Variants in TAFA5 observed in about 807,000 individuals in gnomAD.
The protein encoded by TAFA5 is chemokine-like protein TAFA-5.
TAFA5 carries 6 observed loss-of-function variants against 15.3 expected under a neutral mutation model. That is an observed-to-expected ratio of 0.39 (90% CI 0.21 to 0.77). The LOEUF is 0.77. Among genes scored for constraint, TAFA5 ranks in the 30% least tolerant of loss-of-function variants. The pLI is 0.41. For missense variants in TAFA5, 161 were observed against 193.1 expected (o/e 0.83, Z 0.98); for synonymous variants, 103 against 80.7 (o/e 1.28, Z -1.48).
chr22:48,520,623 G>T (rs1921570658), intron 1 of TAFA5, among the ~76,000 whole-genome samples: 2 of 152,204 alleles, frequency 1.3e-5, no homozygotes, highest in South Asian at 2.1e-4. Context: ...CTAGACGGAT[G>T]TGAGGGATTT....
intron 3 of TAFA5, among the ~76,000 whole-genome samples, chr22:48,745,755 G>T (rs1930311333): frequency 6.6e-6 from 1 of 152,218 alleles, no homozygotes; most frequent in African/African-American, 2.4e-5. Flanking sequence ...GGCCCGGGAG[G>T]TGTCAGCACC....
intron 1 of TAFA5, among the ~76,000 whole-genome samples, chr22:48,579,313 G>T (rs1157414796): frequency 6.6e-6 from 1 of 152,232 alleles, no homozygotes; most frequent in African/African-American, 2.4e-5. Context: ...CAGGGCCGCA[G>T]CGTGGGGTCC....
At chr22:48,646,965 G>A (rs1053228961) in intron 2 of TAFA5, among the ~76,000 whole-genome samples, 2 of 152,162 alleles carry the variant, frequency 1.3e-5, no homozygotes, top group African/African-American at 4.8e-5. Flanking sequence ...GGGAGTGGTC[G>A]GGGAGATGCC....
chr22:48,524,703 C>T (rs1601847763), intron 1 of TAFA5, among the ~76,000 whole-genome samples: 5 of 152,300 alleles, frequency 3.3e-5, no homozygotes, highest in Admixed American at 3.3e-4. Flanking sequence ...AGTTGCTGCC[C>T]TAGCTTGTGG....
intron 1 of TAFA5, among the ~76,000 whole-genome samples, chr22:48,561,990 C>T (rs926329595): frequency 4.6e-5 from 7 of 152,152 alleles, no homozygotes; most frequent in Non-Finnish European, 7.4e-5. Context: ...CTCTCTGCCT[C>T]AGGGTCCCTT....
chr22:48,633,418 C>T (rs759625412), intron 1 of TAFA5, among the ~76,000 whole-genome samples: 1 of 152,082 alleles, frequency 6.6e-6, no homozygotes, highest in East Asian at 1.9e-4. Context: ...TTATCTTCAG[C>T]GGGGCTCACC....
chr22:48,537,525 G>T (rs1922210871), intron 1 of TAFA5, among the ~76,000 whole-genome samples: 1 of 152,272 alleles, frequency 6.6e-6, no homozygotes, highest in Non-Finnish European at 1.5e-5. Flanking sequence ...GCCCTGGCCA[G>T]CCTGGCCTCT....
At chr22:48,642,570 A>G (rs912650587) in intron 1 of TAFA5, among the ~76,000 whole-genome samples, 1 of 152,004 alleles carries the variant, frequency 6.6e-6, no homozygotes, top group African/African-American at 2.4e-5. Flanking sequence ...CAGCCTGGAG[A>G]CCAGGCCGGC....
At chr22:48,608,090 G>T (rs1433489918) in intron 1 of TAFA5, among the ~76,000 whole-genome samples, 1 of 151,722 alleles carries the variant, frequency 6.6e-6, no homozygotes, top group Non-Finnish European at 1.5e-5. Context: ...CCCTCCCACG[G>T]CCCCAGGCTG....
chr22:48,681,144 C>T (rs130099), intron 2 of TAFA5, among the ~76,000 whole-genome samples: 103,384 of 152,146 alleles, frequency 0.68, 36,218 homozygotes, highest in Non-Finnish European at 0.74. Context: ...GCCTGAGCCA[C>T]GCTTATCCCT....
chr22:48,699,411 A>T (rs189878049), intron 2 of TAFA5, among the ~76,000 whole-genome samples: 1 of 152,000 alleles, frequency 6.6e-6, no homozygotes, highest in East Asian at 1.9e-4. Context: ...AACCAATAAC[A>T]TTTAAAGTTG....
intron 1 of TAFA5, among the ~76,000 whole-genome samples, chr22:48,569,022 G>T (rs1923496426): frequency 6.6e-6 from 1 of 152,240 alleles, no homozygotes; most frequent in African/African-American, 2.4e-5. Context: ...AGCCAGCTCT[G>T]AAGGAGGGGC....
At chr22:48,616,867 G>A (rs576245238) in intron 1 of TAFA5, among the ~76,000 whole-genome samples, 37 of 152,184 alleles carry the variant, frequency 2.4e-4, no homozygotes, top group Non-Finnish European at 4.9e-4. Context: ...TGGTGGGCAC[G>A]GCTGGGGTGG....
At chr22:48,620,307 C>T (rs1013383769) in intron 1 of TAFA5, among the ~76,000 whole-genome samples, 1 of 152,076 alleles carries the variant, frequency 6.6e-6, no homozygotes, top group Non-Finnish European at 1.5e-5. Context: ...TCCTCAGGGC[C>T]CTGCAAACCT....
chr22:48,639,295 C>A (rs1926590255), intron 1 of TAFA5, among the ~76,000 whole-genome samples: 1 of 152,234 alleles, frequency 6.6e-6, no homozygotes, highest in South Asian at 2.1e-4. Flanking sequence ...GCCTGCGGGG[C>A]CCCTCAGCTG....
chr22:48,690,857 CCT>C (rs1189299669), intron 2 of TAFA5, among the ~76,000 whole-genome samples: 4 of 152,136 alleles, frequency 2.6e-5, no homozygotes, highest in Non-Finnish European at 5.9e-5. Context: ...GCCCCCGCCC[CCT>C]GTCTTCTATG....
chr22:48,506,476 G>C (rs192784653), intron 1 of TAFA5, among the ~76,000 whole-genome samples: 17 of 152,368 alleles, frequency 1.1e-4, no homozygotes, highest in African/African-American at 3.8e-4. Context: ...CATGTCCAGG[G>C]TGTAGGGCTC....
intron 1 of TAFA5, among the ~76,000 whole-genome samples, chr22:48,518,981 C>G (rs759441521): frequency 2.4e-4 from 36 of 152,216 alleles, no homozygotes; most frequent in African/African-American, 7.9e-4. Flanking sequence ...TGTCGGACAC[C>G]CTGGAGGGAG....
intron 1 of TAFA5, among the ~76,000 whole-genome samples, chr22:48,531,580 C>T (rs1156902271): frequency 6.6e-6 from 1 of 152,188 alleles, no homozygotes; most frequent in Non-Finnish European, 1.5e-5. Flanking sequence ...AGCCGGCCTG[C>T]ACCCCTAAGC....
Sources: allele counts gnomAD v4.1 joint callset (sites outside exome capture counted in the v4.1 genomes callset), GRCh38; gene constraint gnomAD v4.1.1; transcripts MANE v1.5; gene names NCBI Gene and HGNC (gene_info 2026-07-23, HGNC 2026-07-21).